Variants in INTS7 observed in about 807,000 individuals in gnomAD.
The protein encoded by INTS7 is integrator complex subunit 7, also known as chromosome 1 open reading frame 73.
A neutral mutation model predicts 109.2 loss-of-function variants in INTS7; 46 were observed. The observed-to-expected ratio is 0.42, with a 90% CI of 0.33 to 0.54. The LOEUF (loss-of-function observed/expected upper bound fraction) is 0.54. Ranked by LOEUF, INTS7 falls within the 20% of genes least tolerant of loss-of-function variation. The probability of loss-of-function intolerance (pLI) is 0.07; values close to 1 mark genes in which losing one functional copy is unlikely to be tolerated. For missense variants in INTS7, 929 were observed against 1,132.4 expected (o/e 0.82, Z 2.58); for synonymous variants, 412 against 402.9 (o/e 1.02, Z -0.27).
chr1:212,003,099 T>C (rs1169321423), intron 7 of INTS7, among the ~76,000 whole-genome samples: 1 of 151,982 alleles, frequency 6.6e-6, no homozygotes, highest in Non-Finnish European at 1.5e-5. Flanking sequence ...ATACATTTAA[T>C]AGGAGGTCCA....
chr1:212,015,604 C>G (rs894123415), intron 4 of INTS7, among the ~76,000 whole-genome samples: 1 of 150,228 alleles, frequency 6.7e-6, no homozygotes, highest in African/African-American at 2.4e-5. Context: ...AGGAAAACCA[C>G]AGACCCTTGT....
At chr1:211,953,988 A>G (rs1327724180) in intron 16 of INTS7, among the ~76,000 whole-genome samples, 2 of 152,178 alleles carry the variant, frequency 1.3e-5, no homozygotes, top group African/African-American at 4.8e-5. Flanking sequence ...GACTTCCACA[A>G]TGGTTGAACT....
intron 8 of INTS7, among the ~76,000 whole-genome samples, chr1:211,987,133 C>T (rs1664926464): frequency 6.6e-6 from 1 of 152,002 alleles, no homozygotes; most frequent in South Asian, 2.1e-4. Context: ...TCCATCTCTA[C>T]TAAAAATACA....
intron 7 of INTS7, among the ~76,000 whole-genome samples, chr1:212,000,118 AAAG>A (rs1665596197): frequency 6.6e-6 from 1 of 152,194 alleles, no homozygotes; most frequent in African/African-American, 2.4e-5. Flanking sequence ...GAAAAAAAAG[AAAG>A]AAAGAAAGAA....
In INTS7 at chr1:211,981,245, C is replaced by T. The variant is rs1422911815; in HGVS notation, c.1133-55G>A. On this transcript the variant is annotated intron_variant, in intron 9 of 19. Coordinates refer to ENST00000366994, the MANE Select transcript of INTS7 (RefSeq NM_015434.4). ...GTCAAGTGATGTGTGTACAAACACACACACATATACATGCATACACACTCT... is the reference window on the plus strand; with the variant it reads ...GTCAAGTGATGTGTGTACAAACACATACACATATACATGCATACACACTCT... The T allele has an allele frequency of 4.7e-6, 5 of 1,072,844 alleles. No individual in the cohort carries two copies. The East Asian group carries it at 9.5e-5, about 20-fold the overall frequency. 66.5% of individuals were successfully genotyped at this position (1,072,844 alleles called of 1,614,324 possible).
intron 9 of INTS7, 114 bp downstream of exon 9, chr1:211,982,562 T>C (rs1019509819): frequency 4.7e-5 from 34 of 717,932 alleles, no homozygotes; most frequent in Non-Finnish European, 6.9e-5. Flanking sequence ...AAGGAGTCAA[T>C]TTGTAGATCA....
At chr1:211,978,693 C>T (rs1047207833) in intron 10 of INTS7, among the ~76,000 whole-genome samples, 182 bp from the exon 11 acceptor site, 2 of 150,928 alleles carry the variant, frequency 1.3e-5, no homozygotes, top group Non-Finnish European at 1.5e-5. Flanking sequence ...AAGTGCACTA[C>T]GTTTAAAATA....
intron 3 of INTS7, 52 bp from the exon 4 acceptor site, chr1:212,017,075 C>A: frequency 1.3e-6 from 2 of 1,484,514 alleles, no homozygotes; most frequent in South Asian, 2.8e-5. Context: ...AAGTCAAGGT[C>A]AGAAAAGTAA....
chr1:212,004,875 C>T (rs771350244), intron 7 of INTS7, among the ~76,000 whole-genome samples: 6 of 152,202 alleles, frequency 3.9e-5, no homozygotes, highest in South Asian at 2.1e-4. Flanking sequence ...TGGTAAAAAA[C>T]GTAAGTCTGA....
chr1:211,981,365 A>G (rs1664658445), intron 9 of INTS7, among the ~76,000 whole-genome samples, 175 bp from the exon 10 acceptor site: 1 of 151,946 alleles, frequency 6.6e-6, no homozygotes, highest in Non-Finnish European at 1.5e-5. Flanking sequence ...TTACTTCTAG[A>G]ATGTAAAGTC....
chr1:211,951,552 C>T (rs1399679175), intron 17 of INTS7, among the ~76,000 whole-genome samples: 1 of 152,170 alleles, frequency 6.6e-6, no homozygotes, highest in African/African-American at 2.4e-5. Context: ...GTGATCTGCC[C>T]ACCTCACCCT....
intron 16 of INTS7, among the ~76,000 whole-genome samples, chr1:211,953,810 T>C (rs1478956673): frequency 1.3e-5 from 2 of 151,780 alleles, no homozygotes; most frequent in Admixed American, 1.3e-4. Context: ...TTGTTGGACA[T>C]TTGGGTTGGT....
intron 16 of INTS7, chr1:211,966,126 G>A (rs1571856710): frequency 5.6e-6 from 1 of 178,190 alleles, no homozygotes; most frequent in African/African-American, 2.4e-5. Flanking sequence ...AAAATCTCAA[G>A]TTCAAGTTTA....
At chr1:211,992,816 G>A (rs1665203456) in intron 7 of INTS7, among the ~76,000 whole-genome samples, 1 of 152,098 alleles carries the variant, frequency 6.6e-6, no homozygotes, top group African/African-American at 2.4e-5. Flanking sequence ...AATCTGGTTC[G>A]TGGACATTAC....
chr1:211,956,676 G>A (rs1663374848), intron 16 of INTS7, among the ~76,000 whole-genome samples: 1 of 151,902 alleles, frequency 6.6e-6, no homozygotes, highest in Admixed American at 6.6e-5. Context: ...ACCAGCTTCT[G>A]GTTTCACTGA....
Position 211,946,560 on chromosome 1 carries a change from A to G in INTS7, c.2415+47T>C, listed in dbSNP as rs1454509568. ...ATGTCCTACATAATCTTCAGAAGACACCTGGTTTTAAAACCTATATTAACC... is the reference window on the plus strand; with the variant it reads ...ATGTCCTACATAATCTTCAGAAGACGCCTGGTTTTAAAACCTATATTAACC... On this transcript the variant is annotated intron_variant, in intron 18 of 19. Transcript: ENST00000366994. The surrounding 1 kb of genome is among the most constrained non-coding windows in gnomAD (Gnocchi z 4.3). 3 of 1,077,428 alleles carry G rather than the reference A, an allele frequency of 2.8e-6. No individual in the cohort carries two copies. The highest frequency in any genetic ancestry group is 4.3e-6 in the Non-Finnish European group (3 of 698,742). The allele number at this position is 1,077,428 out of a possible 1,614,324, so 66.7% of individuals were successfully genotyped here. A position where few individuals can be genotyped will look rare whatever the true frequency, so the allele number is the denominator to read the frequency against.
chr1:212,016,875 T>A lies in INTS7; in HGVS notation c.509+11A>T, dbSNP rs1468532663. On this transcript the variant is annotated intron_variant, in intron 4 of 19. Coordinates refer to ENST00000366994, the MANE Select transcript of INTS7 (RefSeq NM_015434.4). ...CAAATTACTAAAAGGGATGTACTTT[T>A]GTAAGCTTACTTTGACTGTGCAGAG... 6.3e-7 allele frequency: 1 copy of A among 1,586,186 alleles called. No homozygotes were observed. The highest frequency in any genetic ancestry group is 1.4e-5 in the African/African-American group (1 of 72,754).
chr1:212,032,576 A>T (rs765940750), intron 1 of INTS7, among the ~76,000 whole-genome samples: 1 of 151,332 alleles, frequency 6.6e-6, no homozygotes, highest in Non-Finnish European at 1.5e-5. Context: ...TCCCAGGTTC[A>T]CGCCATTCTC....
intron 4 of INTS7, among the ~76,000 whole-genome samples, chr1:212,015,585 C>T (rs1202420353): frequency 6.6e-6 from 1 of 151,820 alleles, no homozygotes. Context: ...GCCGCAGGGT[C>T]CTCTGCCTAG....
Sources: allele counts gnomAD v4.1 joint callset (sites outside exome capture counted in the v4.1 genomes callset), GRCh38; gene constraint gnomAD v4.1.1; non-coding constraint Gnocchi (gnomAD v3.1); transcripts MANE v1.5; gene names NCBI Gene and HGNC (gene_info 2026-07-23, HGNC 2026-07-21).